FOXP2: variants seen among roughly 807,000 people sequenced by gnomAD.
FOXP2 encodes the protein forkhead box protein P2.
In FOXP2, 12 loss-of-function variants were observed where a neutral mutation model predicts 115.8. The ratio of observed to expected loss-of-function variants is 0.10; its 90% CI spans 0.07 to 0.17. The LOEUF (loss-of-function observed/expected upper bound fraction) is 0.17. Ranked by LOEUF, FOXP2 falls within the 10% of genes least tolerant of loss-of-function variation. The probability of loss-of-function intolerance (pLI) is 1.00; values close to 1 mark genes in which losing one functional copy is unlikely to be tolerated. For missense variants in FOXP2, 629 were observed against 843.5 expected (o/e 0.75, Z 3.15); for synonymous variants, 328 against 297.7 (o/e 1.10, Z -1.05).
chr7:114,386,493 A>G (rs987358025), intron 2 of FOXP2, among the ~76,000 whole-genome samples: 1 of 152,226 alleles, frequency 6.6e-6, no homozygotes, highest in African/African-American at 2.4e-5. Flanking sequence ...GAAGTCCTAT[A>G]AACTACTTCA....
intron 2 of FOXP2, among the ~76,000 whole-genome samples, chr7:114,383,162 A>C (rs140970187): frequency 4.6e-5 from 7 of 152,208 alleles, no homozygotes; most frequent in Admixed American, 2.0e-4. Context: ...GTGATATTAT[A>C]TCTCTCCATG....
At chr7:114,665,408 T>C (rs1455279112) in intron 16 of FOXP2, 1 of 152,122 alleles carries the variant, frequency 6.6e-6, no homozygotes, top group South Asian at 2.1e-4. Context: ...TATTTTTATA[T>C]TGTCTTCCTT....
At chr7:114,625,518 G>A (rs991478684) in intron 3 of FOXP2, among the ~76,000 whole-genome samples, 10 of 151,764 alleles carry the variant, frequency 6.6e-5, no homozygotes, top group Admixed American at 6.6e-4. Context: ...TTGGTAAGTA[G>A]TATAATCTCT....
chr7:114,173,999 A>G (rs1793220553), intron 1 of FOXP2, among the ~76,000 whole-genome samples: 1 of 151,992 alleles, frequency 6.6e-6, no homozygotes, highest in Non-Finnish European at 1.5e-5. Flanking sequence ...AAAAAAAAAT[A>G]CTAATAATAA....
intron 2 of FOXP2, among the ~76,000 whole-genome samples, chr7:114,481,794 A>G (rs141761479): frequency 0.017 from 2,500 of 150,886 alleles, 34 homozygotes; most frequent in South Asian, 0.044. Context: ...CTATCTATCT[A>G]TCTATCTATC....
chr7:114,191,037 T>C (rs1187186972), intron 1 of FOXP2, among the ~76,000 whole-genome samples: 1 of 152,162 alleles, frequency 6.6e-6, no homozygotes, highest in East Asian at 1.9e-4. Flanking sequence ...TCTTGGTTTG[T>C]CCCCAGTGTT....
chr7:114,312,854 T>C (rs993996033), intron 2 of FOXP2, among the ~76,000 whole-genome samples: 3 of 152,164 alleles, frequency 2.0e-5, no homozygotes, highest in African/African-American at 4.8e-5. Context: ...TTCCTCAAAG[T>C]TGCACACTGT....
At chr7:114,294,898 G>T (rs148279070) in intron 2 of FOXP2, among the ~76,000 whole-genome samples, 2 of 135,666 alleles carry the variant, frequency 1.5e-5, no homozygotes, top group Admixed American at 8.0e-5. Context: ...ATACATACAT[G>T]CATGCATGCA....
intron 2 of FOXP2, among the ~76,000 whole-genome samples, chr7:114,533,972 C>G (rs2129276959): frequency 6.6e-6 from 1 of 151,954 alleles, no homozygotes; most frequent in East Asian, 1.9e-4. Context: ...GGTATTCTGT[C>G]ACACATAGAA....
chr7:114,413,941 T>C (rs1309316063), upstream of FOXP2, among the ~76,000 whole-genome samples: 1 of 152,108 alleles, frequency 6.6e-6, no homozygotes, highest in African/African-American at 2.4e-5. Context: ...CACGATGGTG[T>C]TCAGCTGAGA....
chr7:114,618,671 A>G (rs1384982895), intron 3 of FOXP2, among the ~76,000 whole-genome samples: 2 of 152,194 alleles, frequency 1.3e-5, no homozygotes, highest in Non-Finnish European at 2.9e-5. Context: ...ATGAACAGGT[A>G]TTATGTATCA....
chr7:114,233,556 G>A (rs1409181839), intron 1 of FOXP2, among the ~76,000 whole-genome samples: 1 of 152,210 alleles, frequency 6.6e-6, no homozygotes, highest in African/African-American at 2.4e-5. Flanking sequence ...ATTAGCTGGG[G>A]CTCTGGGCTT....
chr7:114,634,400 C>G (rs1029981181), intron 6 of FOXP2, among the ~76,000 whole-genome samples: 2 of 151,850 alleles, frequency 1.3e-5, no homozygotes, highest in African/African-American at 4.8e-5. Flanking sequence ...ATGTATATAA[C>G]AATGAGAAAT....
chr7:114,496,342 T>C (rs1354617349), intron 2 of FOXP2, among the ~76,000 whole-genome samples: 1 of 152,170 alleles, frequency 6.6e-6, no homozygotes, highest in Admixed American at 6.6e-5. Context: ...CTTCAATTGA[T>C]GTCTTCCAAT....
intron 1 of FOXP2, among the ~76,000 whole-genome samples, chr7:114,225,795 T>G (rs1794732108): frequency 6.6e-6 from 1 of 152,176 alleles, no homozygotes; most frequent in Non-Finnish European, 1.5e-5. Context: ...TTAAAATACT[T>G]TATCACAATA....
At chr7:114,379,475 A>C (rs1792226622) in intron 2 of FOXP2, among the ~76,000 whole-genome samples, 1 of 152,008 alleles carries the variant, frequency 6.6e-6, no homozygotes, top group South Asian at 2.1e-4. Context: ...TGACCACTCT[A>C]ACTGCTTCCT....
chr7:114,242,606 G>A lies in FOXP2; in HGVS notation c.-101-45413G>A, dbSNP rs547220396. On this transcript the variant is annotated intron_variant, in intron 1 of 17. Transcript: ENST00000634411. Reference sequence around the variant, plus strand: ...TATCTTTCTGACTGGAATCCTTATCGTGGGAAATTGGGAGCCAATGGCTCT... The same window carrying A: ...TATCTTTCTGACTGGAATCCTTATCATGGGAAATTGGGAGCCAATGGCTCT... Among the ~76,000 whole-genome samples the A allele has an allele frequency of 4.5e-4, 68 of 152,268 alleles. No homozygotes were observed. In the South Asian group the frequency reaches 0.013, roughly 30 times the overall value.
chr7:114,111,090 C>T (rs1306051361), intron 1 of FOXP2, among the ~76,000 whole-genome samples: 1 of 152,100 alleles, frequency 6.6e-6, no homozygotes, highest in Non-Finnish European at 1.5e-5. Context: ...TGTTAAGGAT[C>T]TGCTGTATTA....
At chr7:114,517,541 G>A (rs960838002) in intron 2 of FOXP2, among the ~76,000 whole-genome samples, 4 of 152,154 alleles carry the variant, frequency 2.6e-5, no homozygotes, top group Non-Finnish European at 4.4e-5. Flanking sequence ...AAGATATCTA[G>A]TGGATATATG....
Sources: allele counts gnomAD v4.1 joint callset (sites outside exome capture counted in the v4.1 genomes callset), GRCh38; gene constraint gnomAD v4.1.1; transcripts MANE v1.5; gene names NCBI Gene and HGNC (gene_info 2026-07-23, HGNC 2026-07-21).